Variants in KMT2C observed in about 807,000 individuals in gnomAD.
The protein encoded by KMT2C is histone-lysine N-methyltransferase 2C.
In KMT2C, 88 loss-of-function variants were observed where a neutral mutation model predicts 507.9. The observed-to-expected ratio is 0.17, with a 90% CI of 0.15 to 0.21. The LOEUF is 0.21. Among genes scored for constraint, KMT2C ranks in the 10% least tolerant of loss-of-function variants. The pLI is 1.00. For missense variants in KMT2C, 4,954 were observed against 5,957.8 expected (o/e 0.83, Z 5.55); for synonymous variants, 2,049 against 2,080.8 (o/e 0.98, Z 0.42).
At chr7:152,185,864 G>A (rs1344605643) in intron 33 of KMT2C, among the ~76,000 whole-genome samples, 2 of 152,174 alleles carry the variant, frequency 1.3e-5, no homozygotes, top group African/African-American at 2.4e-5. Flanking sequence ...GTAAAGTTGG[G>A]AAGTTTTTAG....
At chr7:152,338,780 G>A (rs1002646276) in intron 2 of KMT2C, among the ~76,000 whole-genome samples, 3 of 152,164 alleles carry the variant, frequency 2.0e-5, no homozygotes, top group African/African-American at 4.8e-5. Context: ...GAGCATCAAA[G>A]TGTAGCATGT....
chr7:152,202,082 AT>A (rs1446092203), intron 26 of KMT2C, among the ~76,000 whole-genome samples: 2 of 152,252 alleles, frequency 1.3e-5, no homozygotes, highest in African/African-American at 4.8e-5. Context: ...GATGTAAAAA[AT>A]AAATGCAACT....
intron 1 of KMT2C, chr7:152,366,942 C>T (rs1395684797): frequency 4.0e-6 from 2 of 494,464 alleles, no homozygotes; most frequent in East Asian, 4.0e-5. Context: ...CGGGCACGAT[C>T]GCAAGGTCGC....
At chr7:152,430,311 G>A (rs2097854039) in intron 1 of KMT2C, among the ~76,000 whole-genome samples, 1 of 151,590 alleles carries the variant, frequency 6.6e-6, no homozygotes, top group Non-Finnish European at 1.5e-5. Context: ...AAGAGAAAAG[G>A]AAGAGATTAA....
chr7:152,281,037 A>C (rs2096199402), intron 6 of KMT2C, among the ~76,000 whole-genome samples: 1 of 152,208 alleles, frequency 6.6e-6, no homozygotes, highest in Non-Finnish European at 1.5e-5. Context: ...AGAAAAAGTA[A>C]TCTCTCTATT....
intron 14 of KMT2C, among the ~76,000 whole-genome samples, chr7:152,239,689 T>A (rs2095349011): frequency 2.0e-5 from 3 of 152,032 alleles, no homozygotes; most frequent in Non-Finnish European, 4.4e-5. Context: ...TAAAGAAAAA[T>A]GTTTACTCCA....
chr7:152,365,117 G>C (rs1332538480), intron 1 of KMT2C, among the ~76,000 whole-genome samples: 2 of 152,278 alleles, frequency 1.3e-5, no homozygotes, highest in African/African-American at 2.4e-5. Flanking sequence ...ATGTAAGCCA[G>C]AAGACAGTAA....
intron 1 of KMT2C, among the ~76,000 whole-genome samples, chr7:152,362,305 AG>A (rs2097203608): frequency 6.6e-6 from 1 of 152,022 alleles, no homozygotes. Flanking sequence ...AGAGCAAGTG[AG>A]GGGGGTTAGA....
chr7:152,209,578 A>G (rs1309270104), intron 23 of KMT2C, among the ~76,000 whole-genome samples: 2 of 152,086 alleles, frequency 1.3e-5, no homozygotes, highest in Non-Finnish European at 2.9e-5. Context: ...TATTTTTAAA[A>G]GATAAAATCA....
intron 1 of KMT2C, among the ~76,000 whole-genome samples, chr7:152,405,563 A>AT (rs1365685588): frequency 3.8e-4 from 57 of 149,478 alleles, no homozygotes; most frequent in African/African-American, 1.4e-3. Flanking sequence ...TTTGCATTCT[A>AT]TTTTTTCCTT....
At chr7:152,213,766 A>G (rs1471882337) in intron 23 of KMT2C, among the ~76,000 whole-genome samples, 1 of 151,728 alleles carries the variant, frequency 6.6e-6, no homozygotes, top group Non-Finnish European at 1.5e-5. Flanking sequence ...AAAAAAAAAA[A>G]CACCGGGGTG....
At chr7:152,158,734 T>A in intron 44 of KMT2C, 129 bp downstream of exon 44, 1 of 804,970 alleles carries the variant, frequency 1.2e-6, no homozygotes, top group East Asian at 2.4e-5. Context: ...TAAGCTCATC[T>A]AGAACTCATG....
intron 6 of KMT2C, among the ~76,000 whole-genome samples, chr7:152,287,965 A>G (rs917521843): frequency 7.0e-6 from 1 of 143,276 alleles, no homozygotes; most frequent in African/African-American, 2.6e-5. Flanking sequence ...CAGAGGTTGC[A>G]GTGAGCTGAG....
chr7:152,178,028 A>C lies in KMT2C; in HGVS notation c.7443-18T>G. On this transcript the variant is annotated intron_variant, in intron 37 of 58. Transcript: ENST00000262189. ...ATCCAAATCTTTTAAAAAAAAAAAA[A>C]AAAAAAAAAAAAAAGCAAATAGGTA... 7.2e-7 allele frequency: 1 copy of C among 1,390,612 alleles called. No individual in the cohort carries two copies. The highest frequency in any genetic ancestry group is 9.2e-7 in the Non-Finnish European group (1 of 1,084,576). 86.1% of individuals were successfully genotyped at this position (1,390,612 alleles called of 1,614,324 possible).
rs988845287 is a variant in KMT2C, at chr7:152,318,071, G to A, written c.390-2733C>T. ...GAGAATCACTTAAACCCAGGAGGCGGAGGTTGCAATGAACTGAGATCGTGC... is the reference window on the plus strand; with the variant it reads ...GAGAATCACTTAAACCCAGGAGGCGAAGGTTGCAATGAACTGAGATCGTGC... On this transcript the variant is annotated intron_variant, in intron 3 of 58. Coordinates refer to ENST00000262189, the MANE Select transcript of KMT2C (RefSeq NM_170606.3). Among the ~76,000 whole-genome samples the A allele has an allele frequency of 7.2e-5, 11 of 152,034 alleles. No individual in the cohort carries two copies. The East Asian group carries it at 2.1e-3, about 29-fold the overall frequency.
At position 152,183,598 on chromosome 7, in the gene KMT2C, C is replaced by T. The variant is rs1278445019; in HGVS notation, c.5083-442G>A. 2.0e-5 allele frequency among the ~76,000 whole-genome samples: 3 copies of T among 152,094 alleles called. No individual in the cohort carries two copies. In the East Asian group the frequency reaches 5.8e-4, roughly 30 times the overall value. On this transcript the variant is annotated intron_variant, in intron 34 of 58. Transcript: ENST00000262189. ...CCAACATGGTGAAACCCCACCTCTA[C>T]TAAAAATACAAAATTAGGCCAGGCG...
chr7:152,378,656 T>C, intron 1 of KMT2C, among the ~76,000 whole-genome samples: 1 of 152,184 alleles, frequency 6.6e-6, no homozygotes, highest in Non-Finnish European at 1.5e-5. Context: ...TGTATTTACT[T>C]TGGTACCAAT....
intron 1 of KMT2C, among the ~76,000 whole-genome samples, chr7:152,376,318 G>A (rs1238152322): frequency 1.3e-5 from 2 of 152,102 alleles, no homozygotes; most frequent in African/African-American, 2.4e-5. Context: ...ACAATTCAGG[G>A]AAAGGAAAAG....
chr7:152,434,571 C>T (rs1231378241), intron 1 of KMT2C, among the ~76,000 whole-genome samples: 1 of 152,172 alleles, frequency 6.6e-6, no homozygotes, highest in Non-Finnish European at 1.5e-5. Context: ...CCACTCCCGA[C>T]AGTTCAATGA....
Sources: gnomAD v4.1 joint callset for allele counts (sites outside exome capture counted in the v4.1 genomes callset) on GRCh38, gnomAD v4.1.1 for gene constraint, MANE v1.5 for transcripts, NCBI Gene and HGNC (gene_info 2026-07-23, HGNC 2026-07-21) for gene names.